NRP1: variants seen among roughly 807,000 people sequenced by gnomAD.
NRP1 encodes neuropilin-1.
NRP1 carries 35 observed loss-of-function variants against 106.7 expected under a neutral mutation model. The ratio of observed to expected loss-of-function variants is 0.33; its 90% confidence interval spans 0.25 to 0.43. The LOEUF is 0.43. NRP1 is among the 20% of genes least tolerant of loss of function. NRP1 has a pLI of 1.00. For synonymous variants in NRP1, 437 were observed against 417.9 expected, an observed-to-expected ratio of 1.05 and a Z score of -0.56; for missense variants, 1,024 against 1,170.4, an observed-to-expected ratio of 0.87 and a Z score of 1.83.
chr10:33,297,514 T>C (rs151274972), intron 2 of NRP1, among the ~76,000 whole-genome samples: 9 of 152,024 alleles, frequency 5.9e-5, no homozygotes, highest in African/African-American at 2.2e-4. Context: ...GGTGAAACCC[T>C]GTCCCTACTA....
chr10:33,320,269 C>T (rs949669178), intron 2 of NRP1, among the ~76,000 whole-genome samples: 6 of 150,930 alleles, frequency 4.0e-5, no homozygotes, highest in South Asian at 2.1e-4. Context: ...GCCGACTTTG[C>T]GCCACTGCAC....
At chr10:33,218,651 T>C (rs745404579) in intron 8 of NRP1, among the ~76,000 whole-genome samples, 15 of 152,270 alleles carry the variant, frequency 9.9e-5, no homozygotes, top group Non-Finnish European at 1.8e-4. Context: ...AGTCCAGGAT[T>C]ACTATATTTC....
intron 6 of NRP1, among the ~76,000 whole-genome samples, chr10:33,253,223 T>C (rs764843413): frequency 2.6e-5 from 4 of 152,022 alleles, no homozygotes; most frequent in Non-Finnish European, 5.9e-5. Flanking sequence ...GGCCTTTGGG[T>C]GGGAATACCC....
chr10:33,222,460 T>C (rs1376767210), intron 7 of NRP1, among the ~76,000 whole-genome samples: 1 of 152,174 alleles, frequency 6.6e-6, no homozygotes, highest in Non-Finnish European at 1.5e-5. Flanking sequence ...TAAATTATTT[T>C]TAACTAAAAA....
intron 9 of NRP1, chr10:33,211,391 A>T (rs1254374618): frequency 6.6e-6 from 1 of 152,246 alleles, no homozygotes; most frequent in Non-Finnish European, 1.5e-5. Context: ...CTCAGAACAG[A>T]TCCACTCAGA....
chr10:33,254,329 A>G (rs2133178013), intron 5 of NRP1, 135 bp from the exon 6 acceptor site: 1 of 654,680 alleles, frequency 1.5e-6, no homozygotes, highest in East Asian at 2.8e-5. Flanking sequence ...GACTTATTGG[A>G]ATATAGCACT....
Position 33,334,504 on chromosome 10 carries a change from A to G in NRP1, c.-122T>C. Reference sequence around the variant, plus strand: ...CTCCGCCTAGAGCTGTACAATCCTCAGCCCGTCTTGGAGAAAAGAAAGCAG... The same window carrying G: ...CTCCGCCTAGAGCTGTACAATCCTCGGCCCGTCTTGGAGAAAAGAAAGCAG... On this transcript the variant is annotated 5_prime_UTR_variant, in exon 1 of 17. It removes the in-frame stop codon of an upstream open reading frame in the 5' UTR. Transcript: ENST00000374867. The G allele has an allele frequency of 1.2e-6, 1 of 807,480 alleles. No homozygotes were observed. The highest frequency in any genetic ancestry group is 1.7e-5 in the South Asian group (1 of 60,480). 50.0% of individuals were successfully genotyped at this position (807,480 alleles called of 1,614,324 possible).
chr10:33,332,878 A>AGTGTGTGTGTGTGTGT (rs34920873), intron 1 of NRP1, among the ~76,000 whole-genome samples: 9 of 149,930 alleles, frequency 6.0e-5, no homozygotes, highest in African/African-American at 2.2e-4. Flanking sequence ...AAAACTAAGA[A>AGTGTGTGTGTGTGTGT]GTGTGTGTGT....
At chr10:33,260,872 C>T (rs772573745) in intron 4 of NRP1, among the ~76,000 whole-genome samples, 5 of 151,798 alleles carry the variant, frequency 3.3e-5, no homozygotes, top group African/African-American at 9.7e-5. Flanking sequence ...AAGCCTTCCA[C>T]GCCTTCTGGT....
chr10:33,273,811 G>A (rs1295120356), intron 2 of NRP1, among the ~76,000 whole-genome samples: 1 of 152,130 alleles, frequency 6.6e-6, no homozygotes, highest in Non-Finnish European at 1.5e-5. Flanking sequence ...TCTGGAAAAA[G>A]AAAGCTCCAG....
At chr10:33,272,734 T>C (rs192109081) in intron 2 of NRP1, among the ~76,000 whole-genome samples, 103 of 152,308 alleles carry the variant, frequency 6.8e-4, no homozygotes, top group African/African-American at 2.3e-3. Flanking sequence ...CGCTTTCTTA[T>C]AATTTAACTG....
chr10:33,284,104 A>AC (rs1844338904), intron 2 of NRP1, among the ~76,000 whole-genome samples: 1 of 151,710 alleles, frequency 6.6e-6, no homozygotes, highest in Non-Finnish European at 1.5e-5. Flanking sequence ...GGTATAAAAA[A>AC]TTCCCCCTGA....
intron 6 of NRP1, among the ~76,000 whole-genome samples, chr10:33,247,651 G>T (rs1216097353): frequency 1.3e-5 from 2 of 152,158 alleles, no homozygotes; most frequent in East Asian, 1.9e-4. Context: ...TACCTCAGTC[G>T]CAAGAGCATG....
intron 10 of NRP1, among the ~76,000 whole-genome samples, chr10:33,203,865 C>T (rs1277839748): frequency 1.6e-5 from 2 of 128,552 alleles, no homozygotes; most frequent in Non-Finnish European, 3.4e-5. Context: ...CTCAGCCTCC[C>T]GAGTAGCTGG....
intron 4 of NRP1, among the ~76,000 whole-genome samples, chr10:33,259,448 C>T (rs10490938): frequency 0.16 from 24,426 of 152,084 alleles, 2,065 homozygotes; most frequent in African/African-American, 0.17. Flanking sequence ...TACTCTTATC[C>T]GTCTCGTGTG....
At chr10:33,246,583 A>AACACACACACACACAC (rs59215824) in intron 6 of NRP1, among the ~76,000 whole-genome samples, 8 of 137,736 alleles carry the variant, frequency 5.8e-5, no homozygotes, top group African/African-American at 1.8e-4. Flanking sequence ...AGTTGCAATA[A>AACACACACACACACAC]ACACACACAC....
intron 2 of NRP1, among the ~76,000 whole-genome samples, chr10:33,324,547 G>A (rs917724311): frequency 6.6e-6 from 1 of 152,168 alleles, no homozygotes; most frequent in Non-Finnish European, 1.5e-5. Flanking sequence ...AAATGCATCA[G>A]TAGGATTCTG....
At chr10:33,258,684 A>T (rs1842366759) in intron 4 of NRP1, among the ~76,000 whole-genome samples, 1 of 152,154 alleles carries the variant, frequency 6.6e-6, no homozygotes, top group Non-Finnish European at 1.5e-5. Context: ...ATTCTTCTAC[A>T]GGTAGTGGTT....
rs574907345 is a variant in NRP1, at chr10:33,177,886, C to G, written c.*2190G>C. ...TAAACTGAACATTTTGTAACACTGC[C>G]TTTACAAATTAATAACTTTATAAAC... On this transcript the variant is annotated 3_prime_UTR_variant, in exon 17 of 17. Coordinates refer to ENST00000374867, the MANE Select transcript of NRP1 (RefSeq NM_003873.7). 6.6e-6 allele frequency: 1 copy of G among 152,454 alleles called. No individual in the cohort carries two copies. The highest frequency in any genetic ancestry group is 2.1e-4 in the South Asian group (1 of 4,812). 9.4% of individuals were successfully genotyped at this position (152,454 alleles called of 1,614,324 possible).
Sources: gnomAD v4.1 joint callset for allele counts (sites outside exome capture counted in the v4.1 genomes callset) on GRCh38, gnomAD v4.1.1 for gene constraint, MANE v1.5 for transcripts, NCBI Gene and HGNC (gene_info 2026-07-23, HGNC 2026-07-21) for gene names.